SPATA13: variants seen among roughly 807,000 people sequenced by gnomAD.
The protein encoded by SPATA13 is spermatogenesis associated 13.
SPATA13 carries 50 observed loss-of-function variants against 104.0 expected under a neutral mutation model. The ratio of observed to expected loss-of-function variants is 0.48; its 90% CI spans 0.38 to 0.61. SPATA13 has a LOEUF of 0.61. SPATA13 is among the 20% of genes least tolerant of loss of function. The pLI is 0.00. For missense variants in SPATA13, 1,524 were observed against 1,690.6 expected (o/e 0.90, Z 1.73); for synonymous variants, 606 against 667.5 (o/e 0.91, Z 1.42).
rs1218929007 is a variant in SPATA13, at chr13:24,303,201, G to A, written c.*428G>A. 2.5e-6 allele frequency: 1 copy of A among 402,500 alleles called. No individual in the cohort carries two copies. Among genetic ancestry groups the A allele is most frequent in the Non-Finnish European group, 4.9e-6 (1 of 202,354 alleles). The allele number at this position is 402,500 out of a possible 1,614,324, so 24.9% of individuals were successfully genotyped here. ...ACTTCTGCATTTGATTTTCAAGGAT[G>A]CCGTCAAGACGGGGTTGACACAATG... On this transcript the variant is annotated 3_prime_UTR_variant, in exon 13 of 13. Transcript: ENST00000382108.
chr13:24,287,954 A>C (rs1425858566), intron 7 of SPATA13, among the ~76,000 whole-genome samples: 1 of 152,232 alleles, frequency 6.6e-6, no homozygotes, highest in Non-Finnish European at 1.5e-5. Flanking sequence ...AGACAGGTTG[A>C]AGTCAGAGAA....
At chr13:24,126,021 G>A (rs1405274155) in intron 3 of SPATA13, among the ~76,000 whole-genome samples, 1 of 152,188 alleles carries the variant, frequency 6.6e-6, no homozygotes, top group Non-Finnish European at 1.5e-5. Context: ...TACGAATAGA[G>A]CAGGGGAGCC....
At chr13:24,117,414 A>G (rs1880881005) in intron 3 of SPATA13, among the ~76,000 whole-genome samples, 1 of 152,182 alleles carries the variant, frequency 6.6e-6, no homozygotes, top group South Asian at 2.1e-4. Flanking sequence ...TATCAGGACT[A>G]TTATGCCACT....
chr13:24,212,403 G>A (rs1045578773), intron 1 of SPATA13, among the ~76,000 whole-genome samples: 67 of 152,160 alleles, frequency 4.4e-4, no homozygotes, highest in African/African-American at 1.5e-3. Flanking sequence ...GATGACAGTC[G>A]TAGGTAGCTT....
Position 24,257,858 on chromosome 13 carries a change from T to C in SPATA13, c.2164+5996T>C, listed in dbSNP as rs930882329. Among the ~76,000 whole-genome samples, 4 of 152,184 alleles carry C rather than the reference T, an allele frequency of 2.6e-5. No homozygotes were observed. In the South Asian group the frequency reaches 6.2e-4, roughly 24 times the overall value. On this transcript the variant is annotated intron_variant, in intron 4 of 12. Coordinates refer to ENST00000382108, the MANE Select transcript of SPATA13 (RefSeq NM_001166271.3). ...GTTATAAATAAATAACATCTTGATC[T>C]GTGAAGGGGACAGCATGACCCAAAT...
intron 1 of SPATA13, among the ~76,000 whole-genome samples, chr13:24,173,675 G>A (rs1199486783): frequency 6.6e-6 from 1 of 152,050 alleles, no homozygotes; most frequent in Non-Finnish European, 1.5e-5. Flanking sequence ...AAGAATGGGT[G>A]TTGAATTTCA....
intron 1 of SPATA13, among the ~76,000 whole-genome samples, chr13:24,200,009 T>C (rs1487680471): frequency 1.3e-5 from 2 of 152,236 alleles, no homozygotes; most frequent in African/African-American, 4.8e-5. Context: ...GACATTGAGA[T>C]GGTTAAATGT....
chr13:24,081,999 C>T (rs1879536669), intron 3 of SPATA13, among the ~76,000 whole-genome samples: 1 of 152,182 alleles, frequency 6.6e-6, no homozygotes, highest in Admixed American at 6.5e-5. Flanking sequence ...CTGAGTGCTG[C>T]TGTATTGGTC....
intron 1 of SPATA13, among the ~76,000 whole-genome samples, chr13:24,193,313 G>C (rs1026071966): frequency 6.6e-6 from 1 of 152,128 alleles, no homozygotes; most frequent in African/African-American, 2.4e-5. Flanking sequence ...GTAGGTGAGG[G>C]TGGGGGAGAG....
At chr13:24,239,515 C>T (rs9551082) in intron 2 of SPATA13, among the ~76,000 whole-genome samples, 9 of 151,446 alleles carry the variant, frequency 5.9e-5, no homozygotes, top group Non-Finnish European at 1.3e-4. Flanking sequence ...GGCAACATGG[C>T]GAAACTCTGT....
intron 3 of SPATA13, among the ~76,000 whole-genome samples, chr13:24,152,311 G>A (rs1262838455): frequency 6.6e-6 from 1 of 152,186 alleles, no homozygotes; most frequent in African/African-American, 2.4e-5. Flanking sequence ...CATGAGGGTG[G>A]ACACAAGCTT....
rs372630721 is a variant in SPATA13 at position 24,272,628 on chromosome 13, T to C, written c.2165-11507T>C. 11 of 152,342 alleles carry C rather than the reference T, an allele frequency of 7.2e-5. No individual in the cohort carries two copies. The East Asian group carries it at 2.1e-3, about 29-fold the overall frequency. 9.4% of individuals were successfully genotyped at this position (152,342 alleles called of 1,614,324 possible). ...TGTCAGGGAGGGCGGGTTTATGGGT[T>C]GTCTGCCATCTTATGCTGTCCTGTC... On this transcript the variant is annotated intron_variant, in intron 4 of 12. Coordinates refer to ENST00000382108, the MANE Select transcript of SPATA13 (RefSeq NM_001166271.3).
At chr13:24,278,914 T>G in intron 4 of SPATA13, 1 of 1,232,930 alleles carries the variant, frequency 8.1e-7, no homozygotes, top group Non-Finnish European at 1.1e-6. Context: ...CCTTCCTTCC[T>G]TCCTTCCTTC....
intron 9 of SPATA13, 49 bp from the exon 10 acceptor site, chr13:24,294,690 A>G: frequency 6.5e-7 from 1 of 1,538,364 alleles, no homozygotes; most frequent in Non-Finnish European, 8.9e-7. Flanking sequence ...GCCAGTCCTC[A>G]TTTGTAAGGT....
At chr13:24,183,177 C>A (rs557236086) in intron 1 of SPATA13, among the ~76,000 whole-genome samples, 1 of 152,304 alleles carries the variant, frequency 6.6e-6, no homozygotes, top group East Asian at 1.9e-4. Flanking sequence ...ATCTAATTTT[C>A]TTTTGTTTGC....
intron 2 of SPATA13, among the ~76,000 whole-genome samples, chr13:23,986,562 T>G (rs540489106): frequency 6.6e-6 from 1 of 152,226 alleles, no homozygotes; most frequent in African/African-American, 2.4e-5. Context: ...AGTCCCCTAG[T>G]GTCTCTAGGA....
intron 4 of SPATA13, chr13:24,270,891 A>G: frequency 6.2e-7 from 1 of 1,612,458 alleles, no homozygotes; most frequent in South Asian, 1.1e-5. Flanking sequence ...AAGATTCTGG[A>G]GTCTGGAAAG....
At chr13:24,302,343 G>A (rs1455239550) in intron 12 of SPATA13, among the ~76,000 whole-genome samples, 2 of 151,384 alleles carry the variant, frequency 1.3e-5, no homozygotes, top group Non-Finnish European at 2.9e-5. Context: ...ACACCTGTAG[G>A]TCCAGCTACT....
intron 1 of SPATA13, among the ~76,000 whole-genome samples, chr13:24,213,062 C>T (rs1375577103): frequency 3.9e-5 from 6 of 152,192 alleles, no homozygotes; most frequent in Non-Finnish European, 5.9e-5. Flanking sequence ...TGGGTCGGCC[C>T]GTCTCCACAG....
Sources: gnomAD v4.1 joint callset for allele counts (sites outside exome capture counted in the v4.1 genomes callset) on GRCh38, gnomAD v4.1.1 for gene constraint, MANE v1.5 for transcripts, NCBI Gene and HGNC (gene_info 2026-07-23, HGNC 2026-07-21) for gene names.